SCGN: variants seen among roughly 807,000 people sequenced by gnomAD.
The protein encoded by SCGN is secretagogin, EF-hand calcium binding protein.
A neutral mutation model predicts 39.7 loss-of-function variants in SCGN; 30 were observed. The ratio of observed to expected loss-of-function variants is 0.76; its 90% confidence interval spans 0.57 to 1.03. The LOEUF (loss-of-function observed/expected upper bound fraction) is 1.03. SCGN is among the 50% of genes least tolerant of loss of function. The probability of loss-of-function intolerance (pLI) is 0.00; values close to 1 mark genes in which losing one functional copy is unlikely to be tolerated. For synonymous variants in SCGN, 106 were observed against 114.1 expected, an observed-to-expected ratio of 0.93 and a Z score of 0.45; for missense variants, 353 against 349.4, an observed-to-expected ratio of 1.01 and a Z score of -0.08.
chr6:25,690,325 G>A (rs1483803008), intron 9 of SCGN, among the ~76,000 whole-genome samples: 1 of 152,170 alleles, frequency 6.6e-6, no homozygotes, highest in African/African-American at 2.4e-5. Context: ...GGGATGTTAT[G>A]AGAATTAAAT....
intron 10 of SCGN, among the ~76,000 whole-genome samples, chr6:25,698,690 G>T (rs962067105): frequency 2.0e-5 from 3 of 152,198 alleles, no homozygotes; most frequent in African/African-American, 7.2e-5. Context: ...AACTACAAGA[G>T]AACCTATTGA....
intron 7 of SCGN, among the ~76,000 whole-genome samples, chr6:25,686,378 T>G (rs1759704960): frequency 6.6e-6 from 1 of 152,204 alleles, no homozygotes; most frequent in Non-Finnish European, 1.5e-5. Context: ...AATCAGCACT[T>G]GTTATTGTTT....
intron 4 of SCGN, among the ~76,000 whole-genome samples, 153 bp from the exon 5 acceptor site, chr6:25,669,358 A>G (rs1188090910): frequency 6.6e-6 from 1 of 152,168 alleles, no homozygotes; most frequent in African/African-American, 2.4e-5. Flanking sequence ...TGTGCCCAAA[A>G]TTGCTCTCAC....
intron 5 of SCGN, 127 bp downstream of exon 5, chr6:25,669,694 T>C: frequency 1.4e-6 from 1 of 712,336 alleles, no homozygotes; most frequent in South Asian, 1.8e-5. Context: ...AATACATACA[T>C]ATGTACATAT....
chr6:25,685,331 C>T (rs1338107885), intron 7 of SCGN, among the ~76,000 whole-genome samples: 1 of 152,212 alleles, frequency 6.6e-6, no homozygotes, highest in Non-Finnish European at 1.5e-5. Flanking sequence ...GGATTTTTCT[C>T]TCTCTACTTT....
chr6:25,653,512 T>G, intron 2 of SCGN, 60 bp downstream of exon 2: 1 of 1,239,744 alleles, frequency 8.1e-7, no homozygotes, highest in Non-Finnish European at 1.2e-6. Context: ...CACATCCAAG[T>G]CTTATATTGA....
intron 7 of SCGN, among the ~76,000 whole-genome samples, chr6:25,688,394 G>C (rs1316497726): frequency 6.6e-6 from 1 of 152,212 alleles, no homozygotes; most frequent in Non-Finnish European, 1.5e-5. Context: ...TAATTGGACA[G>C]AGATTTTCTA....
intron 4 of SCGN, among the ~76,000 whole-genome samples, chr6:25,665,801 T>C (rs1031936950): frequency 5.9e-5 from 9 of 152,212 alleles, no homozygotes; most frequent in African/African-American, 1.7e-4. Context: ...CATGAATTTA[T>C]GCCAGTAACT....
Position 25,677,540 on chromosome 6 carries a change from A to C in SCGN, c.472-4411A>C, listed in dbSNP as rs1759580507. Among the ~76,000 whole-genome samples, 4 of 152,198 alleles carry C rather than the reference A, an allele frequency of 2.6e-5. 1 individual carries two copies. Among genetic ancestry groups the C allele is most frequent in the Admixed American group, 2.6e-4 (4 of 15,274 alleles). Reference sequence around the variant, plus strand: ...GATCTCCTTTAAAGTTTTTTTAAAAAAATAACTGCTAAAGAATGATTTCCA... The same window carrying C: ...GATCTCCTTTAAAGTTTTTTTAAAACAATAACTGCTAAAGAATGATTTCCA... On this transcript the variant is annotated intron_variant, in intron 6 of 10. Coordinates refer to ENST00000377961, the MANE Select transcript of SCGN (RefSeq NM_006998.4).
chr6:25,679,013 AC>A (rs1448624582), intron 6 of SCGN: 8 of 151,750 alleles, frequency 5.3e-5, no homozygotes, highest in African/African-American at 2.0e-4. Flanking sequence ...TTCTGGAGAT[AC>A]TAGATAAGCT....
intron 6 of SCGN, among the ~76,000 whole-genome samples, chr6:25,670,535 G>A (rs1367776486): frequency 6.6e-6 from 1 of 152,200 alleles, no homozygotes; most frequent in Non-Finnish European, 1.5e-5. Flanking sequence ...CCACTTACTA[G>A]CTATGATGTA....
chr6:25,653,320 A>G, intron 1 of SCGN, 62 bp from the exon 2 acceptor site: 1 of 1,129,636 alleles, frequency 8.9e-7, no homozygotes, highest in Non-Finnish European at 1.3e-6. Flanking sequence ...ACATATTTAG[A>G]TAAATACTGT....
At chr6:25,677,550 T>C (rs1388072964) in intron 6 of SCGN, among the ~76,000 whole-genome samples, 1 of 152,228 alleles carries the variant, frequency 6.6e-6, no homozygotes, top group Non-Finnish European at 1.5e-5. Flanking sequence ...AAATAACTGC[T>C]AAAGAATGAT....
At chr6:25,685,629 AACTG>A (rs1759694679) in intron 7 of SCGN, among the ~76,000 whole-genome samples, 1 of 152,116 alleles carries the variant, frequency 6.6e-6, no homozygotes. Context: ...AATTTACTGA[AACTG>A]ACTGTATTCT....
chr6:25,699,855 C>T (rs1398139458), intron 10 of SCGN, among the ~76,000 whole-genome samples: 1 of 152,046 alleles, frequency 6.6e-6, no homozygotes, highest in Non-Finnish European at 1.5e-5. Flanking sequence ...TTCGGGTGAG[C>T]TCTGAAAGCC....
intron 10 of SCGN, among the ~76,000 whole-genome samples, chr6:25,694,107 C>T (rs1759809248): frequency 6.6e-6 from 1 of 152,194 alleles, no homozygotes; most frequent in South Asian, 2.1e-4. Context: ...TGATATAGCT[C>T]TCATAACTTT....
chr6:25,663,305 C>A (rs114611020), intron 3 of SCGN, among the ~76,000 whole-genome samples: 444 of 152,268 alleles, frequency 2.9e-3, no homozygotes, highest in African/African-American at 0.01. Context: ...AAAAAGGCCA[C>A]CCTTAGTCTC....
intron 4 of SCGN, among the ~76,000 whole-genome samples, chr6:25,667,428 T>G (rs1457687333): frequency 1.3e-5 from 2 of 152,226 alleles, no homozygotes; most frequent in Non-Finnish European, 2.9e-5. Context: ...TCTACATATT[T>G]GAAGAAATTC....
chr6:25,653,490 T>C, intron 2 of SCGN, 38 bp downstream of exon 2: 5 of 1,455,864 alleles, frequency 3.4e-6, no homozygotes, highest in Non-Finnish European at 4.8e-6. Flanking sequence ...TTATGCCTCT[T>C]AGTAAGATAC....
Sources: allele counts gnomAD v4.1 joint callset (sites outside exome capture counted in the v4.1 genomes callset), GRCh38; gene constraint gnomAD v4.1.1; transcripts MANE v1.5; gene names NCBI Gene and HGNC (gene_info 2026-07-23, HGNC 2026-07-21).